The following SRGAP1 variants were observed in gnomAD, a reference collection of about 807,000 sequenced individuals.
SRGAP1 encodes the protein SLIT-ROBO Rho GTPase activating protein 1.
Under a neutral mutation model 121.9 loss-of-function variants are expected in SRGAP1, and 43 were observed. That is an observed-to-expected ratio of 0.35 (90% confidence interval 0.28 to 0.46). The LOEUF is 0.46. Ranked by LOEUF, SRGAP1 falls within the 20% of genes least tolerant of loss-of-function variation. SRGAP1 has a pLI of 1.00. For synonymous variants in SRGAP1, 447 were observed against 485.4 expected, an observed-to-expected ratio of 0.92 and a Z score of 1.04; for missense variants, 1,102 against 1,350.9, an observed-to-expected ratio of 0.82 and a Z score of 2.89.
chr12:63,860,534 GA>G (rs905154657), intron 1 of SRGAP1, among the ~76,000 whole-genome samples: 2 of 151,934 alleles, frequency 1.3e-5, no homozygotes, highest in Admixed American at 6.5e-5. Context: ...TCATCAAGGA[GA>G]AAAAAATCTC....
chr12:63,873,924 C>T (rs1015108519), intron 1 of SRGAP1, among the ~76,000 whole-genome samples: 6 of 151,660 alleles, frequency 4.0e-5, no homozygotes, highest in Admixed American at 2.6e-4. Flanking sequence ...TGCAGCTACT[C>T]AGGAGGCTGA....
intron 4 of SRGAP1, among the ~76,000 whole-genome samples, chr12:64,029,354 A>T (rs2034723828): frequency 6.6e-6 from 1 of 152,206 alleles, no homozygotes; most frequent in Non-Finnish European, 1.5e-5. Context: ...CCAAGTCTTA[A>T]ACACTGAATG....
intron 12 of SRGAP1, among the ~76,000 whole-genome samples, chr12:64,093,725 T>C (rs1219972079): frequency 2.0e-5 from 3 of 152,176 alleles, no homozygotes; most frequent in Non-Finnish European, 4.4e-5. Flanking sequence ...ATAAAATTTG[T>C]GCTCCTAAAA....
chr12:64,127,948 C>T lies in SRGAP1; in HGVS notation c.2628C>T (p.Ala876=), dbSNP rs982811776. The T allele has an allele frequency of 3.1e-6, 5 of 1,614,234 alleles. No homozygotes were observed. Among genetic ancestry groups the T allele is most frequent in the Non-Finnish European group, 3.4e-6 (4 of 1,180,046 alleles). The change falls in exon 21 of 22, where the codon GCC becomes GCT. Residue 876 remains alanine, a synonymous_variant. Transcript: ENST00000355086. ...DGHCPLHPPH[A]LSNSSVDLGS... ...ATTGCCCGCTCCACCCTCCACATGCCCTTTCTAACTCCTCAGTTGACCTAG... is the reference window on the plus strand; with the variant it reads ...ATTGCCCGCTCCACCCTCCACATGCTCTTTCTAACTCCTCAGTTGACCTAG...
At chr12:64,048,314 G>A (rs1593076440) in intron 6 of SRGAP1, among the ~76,000 whole-genome samples, 1 of 152,036 alleles carries the variant, frequency 6.6e-6, no homozygotes, top group Admixed American at 6.6e-5. Context: ...CACCCATGTT[G>A]TTGCAAATGA....
intron 1 of SRGAP1, among the ~76,000 whole-genome samples, chr12:63,915,995 G>A (rs541718932): frequency 1.3e-5 from 2 of 151,392 alleles, no homozygotes; most frequent in East Asian, 3.9e-4. Context: ...GGGCTTGGAA[G>A]CAAAATGCTC....
intron 1 of SRGAP1, among the ~76,000 whole-genome samples, chr12:63,980,656 C>A (rs1479185455): frequency 6.6e-6 from 1 of 150,412 alleles, no homozygotes; most frequent in African/African-American, 2.5e-5. Context: ...TGCAGTGGTG[C>A]AATCTCTGCT....
chr12:63,946,152 C>A (rs2032039226), intron 1 of SRGAP1, among the ~76,000 whole-genome samples: 1 of 152,172 alleles, frequency 6.6e-6, no homozygotes, highest in Admixed American at 6.5e-5. Context: ...AAATGGAGGT[C>A]TTTGTAATGA....
At chr12:63,956,608 T>C (rs1318563932) in intron 1 of SRGAP1, among the ~76,000 whole-genome samples, 1 of 152,092 alleles carries the variant, frequency 6.6e-6, no homozygotes, top group Non-Finnish European at 1.5e-5. Flanking sequence ...TTTTAAATAT[T>C]ATCTCCTAAT....
chr12:63,858,649 T>C (rs1045181241), intron 1 of SRGAP1, among the ~76,000 whole-genome samples: 13 of 152,354 alleles, frequency 8.5e-5, no homozygotes, highest in East Asian at 7.7e-4. Context: ...TTAATCATTT[T>C]ATTAGTTACA....
chr12:63,951,152 CTTTTTTTT>C (rs58637983), intron 1 of SRGAP1, among the ~76,000 whole-genome samples: 325 of 44,146 alleles, frequency 7.4e-3, no homozygotes, highest in African/African-American at 0.025. Flanking sequence ...ATTTAGAACT[CTTTTTTTT>C]TTTTTTTTTT....
rs1297839786 is a variant in SRGAP1, at chr12:64,146,898, A to C, written c.*4226A>C. ...AGTATACGTTCTTAAAAAAAAAAAAAAGTCTATGTGGTATAATCGAGATGG... is the reference window on the plus strand; with the variant it reads ...AGTATACGTTCTTAAAAAAAAAAAACAGTCTATGTGGTATAATCGAGATGG... On this transcript the variant is annotated 3_prime_UTR_variant, in exon 22 of 22. Coordinates refer to ENST00000355086, the MANE Select transcript of SRGAP1 (RefSeq NM_020762.4). 1 of 151,622 alleles carries C rather than the reference A, an allele frequency of 6.6e-6. No homozygotes were observed. Among genetic ancestry groups the C allele is most frequent in the African/African-American group, 2.4e-5 (1 of 41,208 alleles). 9.4% of individuals were successfully genotyped at this position (151,622 alleles called of 1,614,324 possible). A position where few individuals can be genotyped will look rare whatever the true frequency, so the allele number is the denominator to read the frequency against.
intron 18 of SRGAP1, among the ~76,000 whole-genome samples, chr12:64,117,294 T>G (rs1369963202): frequency 6.6e-6 from 1 of 152,242 alleles, no homozygotes; most frequent in Non-Finnish European, 1.5e-5. Context: ...TCAAGTCTTT[T>G]GCCCATTTTT....
chr12:64,017,155 A>G (rs867304902), intron 4 of SRGAP1, 143 bp downstream of exon 4: 2 of 528,918 alleles, frequency 3.8e-6, no homozygotes, highest in African/African-American at 1.9e-5. Flanking sequence ...AGGGATAGGT[A>G]TACACAGCTA....
At position 64,059,143 on chromosome 12, in the gene SRGAP1, G is replaced by A. The variant is rs61931206; in HGVS notation, c.802-3774G>A. Among the ~76,000 whole-genome samples, 591 of 152,174 alleles carry A rather than the reference G, an allele frequency of 3.9e-3. 3 individuals carry two copies. Among genetic ancestry groups the A allele is most frequent in the Admixed American group, 5.9e-3 (90 of 15,284 alleles). On this transcript the variant is annotated intron_variant, in intron 6 of 21. Transcript: ENST00000355086. ...TCCTCCCAGCCTAGGAGGAAGCCAC[G>A]ATGAAATTATCTCTTGTTGGGCCCA...
chr12:63,911,865 G>A (rs961343788), intron 1 of SRGAP1, among the ~76,000 whole-genome samples: 18 of 152,180 alleles, frequency 1.2e-4, no homozygotes, highest in Non-Finnish European at 1.8e-4. Context: ...ACTAAGGTGG[G>A]ACTAGGACAG....
At chr12:64,108,878 T>C (rs921876179) in intron 15 of SRGAP1, 54 bp from the exon 16 acceptor site, 3 of 1,335,254 alleles carry the variant, frequency 2.2e-6, no homozygotes, top group Non-Finnish European at 3.2e-6. Flanking sequence ...TGCAGTGTTC[T>C]GTTTTAAATG....
rs1290184249 is a variant in SRGAP1, at chr12:64,043,530, C to A, written c.756C>A (p.Ala252=). 1 of 1,612,318 alleles carries A rather than the reference C, an allele frequency of 6.2e-7. No individual in the cohort carries two copies. Among genetic ancestry groups the A allele is most frequent in the African/African-American group, 1.3e-5 (1 of 74,838 alleles). ...EYLLTLEATN[A]SVFKYYIHDL... ...TCCTAACACTTGAAGCCACCAATGC[C>A]TCAGTTTTCAAGTACTATATTCATG... The change falls in exon 6 of 22, where the codon GCC becomes GCA. Residue 252 remains alanine, a synonymous_variant. Transcript: ENST00000355086.
At chr12:64,019,118 AAAGACAAC>A (rs879374080) in intron 4 of SRGAP1, among the ~76,000 whole-genome samples, 30 of 152,344 alleles carry the variant, frequency 2.0e-4, no homozygotes, top group Non-Finnish European at 3.7e-4. Context: ...TAGTAGTAGT[AAAGACAAC>A]AGTGGCAAAG....
Sources: gnomAD v4.1 joint callset for allele counts (sites outside exome capture counted in the v4.1 genomes callset) on GRCh38, gnomAD v4.1.1 for gene constraint, MANE v1.5 for transcripts, NCBI Gene and HGNC (gene_info 2026-07-23, HGNC 2026-07-21) for gene names.